Variants in PCDH12 observed in about 807,000 individuals in gnomAD.
PCDH12 encodes protocadherin-12.
A neutral mutation model predicts 70.9 loss-of-function variants in PCDH12; 45 were observed. The observed-to-expected ratio is 0.63, with a 90% CI of 0.50 to 0.81. PCDH12 has a LOEUF of 0.81. Among genes scored for constraint, PCDH12 ranks in the 40% least tolerant of loss-of-function variants. The pLI is 0.00. For synonymous variants in PCDH12, 567 were observed against 626.0 expected, an observed-to-expected ratio of 0.91 and a Z score of 1.41; for missense variants, 1,370 against 1,491.7, an observed-to-expected ratio of 0.92 and a Z score of 1.34.
In PCDH12 at chr5:141,949,292, G is replaced by C. The variant is rs559217582; in HGVS notation, c.3130+140C>G. ...TTAAAATACTTTCTGAGGCTGCAAG[G>C]GTGCAAGGGAAGTTAAATGTTGCTG... is the stretch of plus-strand genomic sequence containing the variant. On this transcript the variant is annotated intron_variant, in intron 3 of 3. Coordinates refer to ENST00000231484, the MANE Select transcript of PCDH12 (RefSeq NM_016580.4). The C allele has an allele frequency of 6.7e-5, 99 of 1,476,560 alleles. 1 individual carries two copies. In the African/African-American group the frequency reaches 9.0e-4, roughly 13 times the overall value. The allele number at this position is 1,476,560 out of a possible 1,614,324, so 91.5% of individuals were successfully genotyped here.
Position 141,955,215 on chromosome 5 carries a change from A to G in PCDH12, c.2637T>C (p.Pro879=). The G allele has an allele frequency of 6.2e-7, 1 of 1,614,164 alleles. No individual in the cohort carries two copies. Among genetic ancestry groups the G allele is most frequent in the Non-Finnish European group, 8.5e-7 (1 of 1,180,032 alleles). The stretch of plus-strand genomic sequence containing the variant: ...CTGTGGGGCTGCCTGCAACCTTCAG[A>G]GGCCTGGAACGTGGCTGGCCTGTGG... ...QPATGQPRSR[P]LKVAGSPTGR... Residue 879 remains proline, a synonymous_variant, in exon 1 of 4, where the codon CCT becomes CCC. Transcript: ENST00000231484. This position sits in a 1 kb window ranked among gnomAD's most constrained non-coding sequence, Gnocchi z 5.5.
rs541656546 is a variant in PCDH12, at chr5:141,948,736, GA to G, written c.3130+695del. Among the ~76,000 whole-genome samples, 8 of 152,240 alleles carry G rather than the reference GA, an allele frequency of 5.3e-5. No homozygotes were observed. The East Asian group carries it at 1.5e-3, about 29-fold the overall frequency. ...TCACTGGTGAGCTGGGTGACTCTGG[GA>G]AGGCTACTTGATTTTTTTGAGCCTC... On this transcript the variant is annotated intron_variant, in intron 3 of 3. Coordinates refer to ENST00000231484, the MANE Select transcript of PCDH12 (RefSeq NM_016580.4).
In PCDH12 at chr5:141,945,023, TAC is replaced by T. The variant is rs576619601; in HGVS notation, c.*356_*357del. The T allele has an allele frequency of 3.3e-4, 89 of 270,182 alleles. 1 individual carries two copies. Among genetic ancestry groups the T allele is most frequent in the African/African-American group, 1.9e-3 (86 of 45,138 alleles). The allele number at this position is 270,182 out of a possible 1,614,324, so 16.7% of individuals were successfully genotyped here. ...AGAGCATTTCCTGGCACCCCCAGGG[TAC>T]AGCCCCCTGACTCCTGCTACCCAAG... On this transcript the variant is annotated 3_prime_UTR_variant, in exon 4 of 4. Transcript: ENST00000231484.
chr5:141,956,136 A>G lies in PCDH12; in HGVS notation c.1716T>C (p.Asp572=). Residue 572 remains aspartate, a synonymous_variant, in exon 1 of 4, where the codon GAT becomes GAC. Transcript: ENST00000231484. ...APEVVQPVLS[D]GKASLSVLVN... ...CAAGCACGGAGAGGCTGGCTTTTCCATCGCTGAGCACAGGCTGGACCACCT... is the reference window on the plus strand; with the variant it reads ...CAAGCACGGAGAGGCTGGCTTTTCCGTCGCTGAGCACAGGCTGGACCACCT... 6.2e-7 allele frequency: 1 copy of G among 1,614,162 alleles called. No individual in the cohort carries two copies. The highest frequency in any genetic ancestry group is 8.5e-7 in the Non-Finnish European group (1 of 1,180,036).
rs1367455915 is a variant in PCDH12, at chr5:141,955,244, G to A, written c.2608C>T (p.Pro870Ser). The A allele has an allele frequency of 6.2e-7, 1 of 1,614,110 alleles. No individual in the cohort carries two copies. The highest frequency in any genetic ancestry group is 1.3e-5 in the African/African-American group (1 of 74,920). The part of the protein sequence containing the change: ...RENLNLPEPQ[P>S]ATGQPRSRPL... ...CTGGAACGTGGCTGGCCTGTGGCAGGCTGGGGCTCGGGAAGGTTCAGGTTC... is the reference window on the plus strand; with the variant it reads ...CTGGAACGTGGCTGGCCTGTGGCAGACTGGGGCTCGGGAAGGTTCAGGTTC... Residue 870 changes from proline (P) to serine (S), a missense_variant, in exon 1 of 4, where the codon CCT becomes TCT. Coordinates refer to ENST00000231484, the MANE Select transcript of PCDH12 (RefSeq NM_016580.4). The surrounding 1 kb of genome is among the most constrained non-coding windows in gnomAD (Gnocchi z 5.5).
At position 141,956,650 on chromosome 5, in the gene PCDH12, C is replaced by A; in HGVS notation, c.1202G>T (p.Arg401Met). The A allele has an allele frequency of 6.2e-7, 1 of 1,614,202 alleles. No homozygotes were observed. Among genetic ancestry groups the A allele is most frequent in the East Asian group, 2.2e-5 (1 of 44,882 alleles). Residue 401 changes from arginine (R) to methionine (M), a missense_variant, in exon 1 of 4, where the codon AGG becomes ATG. Arg to Met is a moderately conservative substitution (Grantham distance 91). Transcript: ENST00000231484. Reference protein sequence around the residue: ...CWLSQELGHFRLKRTNGNTYM... With the variant: ...CWLSQELGHFMLKRTNGNTYM... Reference sequence around the variant, plus strand: ...TGTGTTGCCATTAGTTCTTTTCAGCCTGAAGTGGCCCAGCTCTTGGCTCAG... The same window carrying A: ...TGTGTTGCCATTAGTTCTTTTCAGCATGAAGTGGCCCAGCTCTTGGCTCAG...
At chr5:141,950,876 T>G (rs1175389776) in intron 2 of PCDH12, among the ~76,000 whole-genome samples, 1 of 152,168 alleles carries the variant, frequency 6.6e-6, no homozygotes, top group East Asian at 1.9e-4. Context: ...TACAATTGAT[T>G]ATGAAATCCT....
chr5:141,957,960 A>T lies in PCDH12; in HGVS notation c.-109T>A. The T allele has an allele frequency of 7.7e-7, 1 of 1,295,848 alleles. No individual in the cohort carries two copies. The highest frequency in any genetic ancestry group is 1.1e-6 in the Non-Finnish European group (1 of 950,112). 80.3% of individuals were successfully genotyped at this position (1,295,848 alleles called of 1,614,324 possible). A position where few individuals can be genotyped will look rare whatever the true frequency, so the allele number is the denominator to read the frequency against. ...TGATCAGCCCCGTGCTCCTTCCCCC[A>T]GAGCTGCCGGCACAACCTTGTCCCA... On this transcript the variant is annotated 5_prime_UTR_variant, in exon 1 of 4. Coordinates refer to ENST00000231484, the MANE Select transcript of PCDH12 (RefSeq NM_016580.4). The surrounding 1 kb of genome is among the most constrained non-coding windows in gnomAD (Gnocchi z 4.3).
chr5:141,955,671 G>A lies in PCDH12; in HGVS notation c.2181C>T (p.Gly727=). 1 of 1,614,158 alleles carries A rather than the reference G, an allele frequency of 6.2e-7. No individual in the cohort carries two copies. Among genetic ancestry groups the A allele is most frequent in the South Asian group, 1.1e-5 (1 of 91,078 alleles). The change falls in exon 1 of 4, where the codon GGC becomes GGT. Residue 727 remains glycine, a synonymous_variant. Coordinates refer to ENST00000231484, the MANE Select transcript of PCDH12 (RefSeq NM_016580.4). The surrounding 1 kb of genome is among the most constrained non-coding windows in gnomAD (Gnocchi z 5.5). The stretch of plus-strand genomic sequence containing the variant: ...ACAAAGCCAGGATCAACCCGAAGAT[G>A]CCCAACAGTACAGCCAGGCAGATCA... The part of the protein sequence containing the change: ...LTVICLAVLL[G]IFGLILALFM...
In PCDH12 at chr5:141,956,851, G is replaced by C; in HGVS notation, c.1001C>G (p.Ala334Gly). ...ARDLGPNPIPAHCKVLIKVLD... is the reference protein window; with the variant it reads ...ARDLGPNPIPGHCKVLIKVLD... The stretch of plus-strand genomic sequence containing the variant: ...AACCTTGATGAGAACTTTGCAATGG[G>C]CTGGGATAGGATTGGGACCCAGGTC... The change falls in exon 1 of 4, where the codon GCC becomes GGC. Residue 334 changes from alanine to glycine, a missense_variant. Ala to Gly is a moderately conservative substitution (Grantham distance 60). Coordinates refer to ENST00000231484, the MANE Select transcript of PCDH12 (RefSeq NM_016580.4). 6.2e-7 allele frequency: 1 copy of C among 1,614,234 alleles called. No homozygotes were observed. Among genetic ancestry groups the C allele is most frequent in the South Asian group, 1.1e-5 (1 of 91,082 alleles).
intron 3 of PCDH12, among the ~76,000 whole-genome samples, chr5:141,948,232 T>G (rs919545766): frequency 2.0e-5 from 3 of 152,102 alleles, no homozygotes; most frequent in Non-Finnish European, 2.9e-5. Flanking sequence ...ATGGGGATAA[T>G]GAATAGCCCC....
At chr5:141,949,694 G>C in intron 2 of PCDH12, 111 bp from the exon 3 acceptor site, 1 of 1,338,278 alleles carries the variant, frequency 7.5e-7, no homozygotes, top group South Asian at 1.5e-5. Context: ...TGGATACACA[G>C]CCTGGCCTCT....
At chr5:141,953,878 G>C (rs138696400) in intron 1 of PCDH12, among the ~76,000 whole-genome samples, 17 of 152,356 alleles carry the variant, frequency 1.1e-4, no homozygotes, top group African/African-American at 4.1e-4. Context: ...AACCTGAGCT[G>C]ATAGCCTGGC....
At chr5:141,947,942 A>C (rs2126917560) in intron 3 of PCDH12, among the ~76,000 whole-genome samples, 1 of 152,370 alleles carries the variant, frequency 6.6e-6, no homozygotes, top group South Asian at 2.1e-4. Context: ...GGTTCCAGCC[A>C]GAGCTGACCA....
At position 141,955,840 on chromosome 5, in the gene PCDH12, C is replaced by T; in HGVS notation, c.2012G>A (p.Trp671Ter). 1 of 1,614,096 alleles carries T rather than the reference C, an allele frequency of 6.2e-7. No homozygotes were observed. The highest frequency in any genetic ancestry group is 8.5e-7 in the Non-Finnish European group (1 of 1,180,010). Residue 671 changes from tryptophan to a stop codon, truncating the protein, a stop_gained, in exon 1 of 4, where the codon TGG (tryptophan) becomes TAG (stop). Transcript: ENST00000231484. LOFTEE classifies it high-confidence loss of function. This position sits in a 1 kb window ranked among gnomAD's most constrained non-coding sequence, Gnocchi z 5.5. ...GTCCTCTACTACTATCTCCAGCTCC[C>T]ACTCACTCCCAATGAGGCTGCTGGC... ...TNASSLIGSE[W>*]ELEIVVEDQG...
At chr5:141,947,644 C>T (rs1036360554) in intron 3 of PCDH12, among the ~76,000 whole-genome samples, 1 of 152,154 alleles carries the variant, frequency 6.6e-6, no homozygotes, top group Non-Finnish European at 1.5e-5. Flanking sequence ...GACAGTAGTA[C>T]GTATCTTGTG....
chr5:141,945,809 TG>T lies in PCDH12; in HGVS notation c.3131-5del. ...CTCAGCCGGTCCAGGGCCAGACCTG[TG>T]GGGGAAGGAGGGGACACAGTGAGGG... is the stretch of plus-strand genomic sequence containing the variant. On this transcript the variant is annotated splice_region_variant and splice_polypyrimidine_tract_variant and intron_variant, in intron 3 of 3. Coordinates refer to ENST00000231484, the MANE Select transcript of PCDH12 (RefSeq NM_016580.4). 1 of 1,607,212 alleles carries T rather than the reference TG, an allele frequency of 6.2e-7. No homozygotes were observed. Among genetic ancestry groups the T allele is most frequent in the Non-Finnish European group, 8.5e-7 (1 of 1,177,110 alleles).
Position 141,956,681 on chromosome 5 carries a change from A to C in PCDH12, c.1171T>G (p.Cys391Gly). 1 of 1,614,254 alleles carries C rather than the reference A, an allele frequency of 6.2e-7. No individual in the cohort carries two copies. Among genetic ancestry groups the C allele is most frequent in the African/African-American group, 1.3e-5 (1 of 75,062 alleles). The change falls in exon 1 of 4, where the codon TGC becomes GGC. Residue 391 changes from cysteine to glycine, a missense_variant. Transcript: ENST00000231484. The part of the protein sequence containing the change: ...LDSGHNGLVH[C>G]WLSQELGHFR... ...TGGCCCAGCTCTTGGCTCAGCCAGCAGTGGACCAAACCATTGTGTCCTGAA... is the reference window on the plus strand; with the variant it reads ...TGGCCCAGCTCTTGGCTCAGCCAGCCGTGGACCAAACCATTGTGTCCTGAA...
chr5:141,956,652 G>T lies in PCDH12; in HGVS notation c.1200C>A (p.Phe400Leu). The change falls in exon 1 of 4, where the codon TTC (phenylalanine) becomes TTA (leucine). Residue 400 changes from phenylalanine to leucine, a missense_variant. By Grantham distance (22) the Phe-to-Leu change is conservative (BLOSUM62 0). Coordinates refer to ENST00000231484, the MANE Select transcript of PCDH12 (RefSeq NM_016580.4). Reference sequence around the variant, plus strand: ...TGTTGCCATTAGTTCTTTTCAGCCTGAAGTGGCCCAGCTCTTGGCTCAGCC... The same window carrying T: ...TGTTGCCATTAGTTCTTTTCAGCCTTAAGTGGCCCAGCTCTTGGCTCAGCC... ...HCWLSQELGH[F>L]RLKRTNGNTY... 6.2e-7 allele frequency: 1 copy of T among 1,614,238 alleles called. No homozygotes were observed. Among genetic ancestry groups the T allele is most frequent in the Non-Finnish European group, 8.5e-7 (1 of 1,180,042 alleles).
Sources: gnomAD v4.1 joint callset for allele counts (sites outside exome capture counted in the v4.1 genomes callset) on GRCh38, gnomAD v4.1.1 for gene constraint, Gnocchi (gnomAD v3.1) non-coding constraint, MANE v1.5 for transcripts, NCBI Gene and HGNC (gene_info 2026-07-23, HGNC 2026-07-21) for gene names.